Variants in ADGRB3 observed in about 807,000 individuals in gnomAD.
ADGRB3 encodes brain-specific angiogenesis inhibitor 3.
ADGRB3 carries 37 observed loss-of-function variants against 193.4 expected under a neutral mutation model. The observed-to-expected ratio is 0.19, with a 90% CI of 0.15 to 0.25. The LOEUF (loss-of-function observed/expected upper bound fraction) is 0.25. ADGRB3 is among the 10% of genes least tolerant of loss of function. The pLI is 1.00. For missense variants in ADGRB3, 1,637 were observed against 1,852.9 expected (o/e 0.88, Z 2.14); for synonymous variants, 690 against 644.2 (o/e 1.07, Z -1.08).
At chr6:68,639,514 C>A in intron 3 of ADGRB3, 82 bp downstream of exon 3, 1 of 1,396,418 alleles carries the variant, frequency 7.2e-7, no homozygotes, top group South Asian at 1.5e-5. Context: ...AACACACAGG[C>A]CTAATTATTT....
chr6:69,310,169 G>T (rs1186196104), intron 20 of ADGRB3, among the ~76,000 whole-genome samples: 1 of 151,690 alleles, frequency 6.6e-6, no homozygotes, highest in African/African-American at 2.4e-5. Flanking sequence ...TAGTCTTTCG[G>T]ATTTTGCTTC....
chr6:69,190,086 A>G (rs1005727142), intron 17 of ADGRB3, among the ~76,000 whole-genome samples: 4 of 152,142 alleles, frequency 2.6e-5, no homozygotes, highest in African/African-American at 9.7e-5. Flanking sequence ...ATGATAATAA[A>G]TGGCTATGCT....
At chr6:69,164,310 G>C (rs1328849465) in intron 17 of ADGRB3, among the ~76,000 whole-genome samples, 1 of 151,310 alleles carries the variant, frequency 6.6e-6, no homozygotes, top group African/African-American at 2.4e-5. Flanking sequence ...AGGGAGACAG[G>C]AAACCCAAAA....
intron 17 of ADGRB3, among the ~76,000 whole-genome samples, chr6:69,190,269 C>A (rs1388622957): frequency 6.6e-6 from 1 of 152,002 alleles, no homozygotes; most frequent in Non-Finnish European, 1.5e-5. Context: ...TCCTTAAAGA[C>A]CTTCTAGTGA....
chr6:69,341,909 G>T (rs981493387), intron 26 of ADGRB3, among the ~76,000 whole-genome samples: 1 of 152,094 alleles, frequency 6.6e-6, no homozygotes, highest in African/African-American at 2.4e-5. Context: ...ACAGTGCTGC[G>T]TCACTATATA....
At chr6:68,776,530 T>G (rs551432122) in intron 3 of ADGRB3, among the ~76,000 whole-genome samples, 11 of 152,286 alleles carry the variant, frequency 7.2e-5, no homozygotes, top group African/African-American at 2.6e-4. Flanking sequence ...CAGACTACTT[T>G]CTGCTAAATG....
At chr6:69,233,226 C>G in intron 17 of ADGRB3, 64 bp from the exon 18 acceptor site, 2 of 1,580,036 alleles carry the variant, frequency 1.3e-6, no homozygotes, top group South Asian at 1.2e-5. Context: ...GCATTTTCTT[C>G]TTTACGGATT....
At chr6:69,303,724 A>G (rs531863857) in intron 20 of ADGRB3, among the ~76,000 whole-genome samples, 21 of 152,078 alleles carry the variant, frequency 1.4e-4, no homozygotes, top group African/African-American at 4.3e-4. Context: ...ACACAATCAC[A>G]GATATTATTT....
Position 68,669,346 on chromosome 6 carries a change from T to C in ADGRB3, c.757+29914T>C, listed in dbSNP as rs555827044. 3.3e-5 allele frequency among the ~76,000 whole-genome samples: 5 copies of C among 152,060 alleles called. No homozygotes were observed. The East Asian group carries it at 9.7e-4, about 30-fold the overall frequency. On this transcript the variant is annotated intron_variant, in intron 3 of 31. Coordinates refer to ENST00000370598, the MANE Select transcript of ADGRB3 (RefSeq NM_001704.3). ...CTATTTCTTATTCATTTGTTCTAAC[T>C]ATTTCTTTTGTACCCATTAGCCATC...
chr6:68,738,109 G>A (rs1444125394), intron 3 of ADGRB3, among the ~76,000 whole-genome samples: 11 of 152,164 alleles, frequency 7.2e-5, no homozygotes, highest in Non-Finnish European at 1.5e-4. Flanking sequence ...CCATGCTAAT[G>A]TTTTGGGATA....
chr6:68,898,299 C>T (rs1311881780), intron 3 of ADGRB3, among the ~76,000 whole-genome samples: 1 of 152,012 alleles, frequency 6.6e-6, no homozygotes, highest in Non-Finnish European at 1.5e-5. Context: ...AAATCTGCTT[C>T]TCCTTCCCCT....
chr6:69,225,480 G>A (rs1365536617), intron 17 of ADGRB3, among the ~76,000 whole-genome samples: 1 of 152,024 alleles, frequency 6.6e-6, no homozygotes, highest in Admixed American at 6.6e-5. Context: ...GAGAGAACAG[G>A]GTAAAGGGAA....
chr6:69,359,714 A>G (rs1421467294), intron 28 of ADGRB3, among the ~76,000 whole-genome samples: 3 of 151,942 alleles, frequency 2.0e-5, no homozygotes, highest in Non-Finnish European at 2.9e-5. Context: ...TGAGGAGACA[A>G]TAAACCAGAC....
At chr6:68,919,339 C>T (rs572836211) in intron 3 of ADGRB3, among the ~76,000 whole-genome samples, 12 of 152,062 alleles carry the variant, frequency 7.9e-5, no homozygotes, top group East Asian at 5.8e-4. Context: ...AAAAGAAATG[C>T]GAAATGTACA....
At chr6:68,953,652 C>T (rs1041373923) in intron 6 of ADGRB3, among the ~76,000 whole-genome samples, 1 of 152,152 alleles carries the variant, frequency 6.6e-6, no homozygotes, top group African/African-American at 2.4e-5. Context: ...GTATCAGGCA[C>T]TTGTAATAAA....
At chr6:69,280,054 A>C (rs1767402569) in intron 20 of ADGRB3, among the ~76,000 whole-genome samples, 1 of 152,202 alleles carries the variant, frequency 6.6e-6, no homozygotes, top group African/African-American at 2.4e-5. Context: ...CAGGAGCTAC[A>C]TTCCTCAAAA....
chr6:68,739,870 T>C (rs1249967264), intron 3 of ADGRB3, among the ~76,000 whole-genome samples: 2 of 152,164 alleles, frequency 1.3e-5, no homozygotes, highest in African/African-American at 4.8e-5. Context: ...ATCTCACTTG[T>C]TTGGTTTTAA....
chr6:69,119,850 G>T (rs928579827), intron 17 of ADGRB3, among the ~76,000 whole-genome samples: 18 of 152,144 alleles, frequency 1.2e-4, no homozygotes, highest in African/African-American at 3.1e-4. Context: ...TTTGAGCAGA[G>T]AAATGAGATA....
At chr6:68,864,006 T>C (rs1562061870) in intron 3 of ADGRB3, among the ~76,000 whole-genome samples, 2 of 152,304 alleles carry the variant, frequency 1.3e-5, no homozygotes, top group East Asian at 3.9e-4. Context: ...GTACCAAAGA[T>C]CATTATAATT....
Sources: gnomAD v4.1 joint callset for allele counts (sites outside exome capture counted in the v4.1 genomes callset) on GRCh38, gnomAD v4.1.1 for gene constraint, MANE v1.5 for transcripts, NCBI Gene and HGNC (gene_info 2026-07-23, HGNC 2026-07-21) for gene names.